Variants in ERC1 observed in about 807,000 individuals in gnomAD.
The protein encoded by ERC1 is RAB6 interacting protein 2.
A neutral mutation model predicts 132.0 loss-of-function variants in ERC1; 56 were observed. The ratio of observed to expected loss-of-function variants is 0.42; its 90% confidence interval spans 0.34 to 0.53. The LOEUF (loss-of-function observed/expected upper bound fraction) is 0.53, where lower values mean the gene tolerates loss of function less well. ERC1 is among the 20% of genes least tolerant of loss of function. The probability of loss-of-function intolerance (pLI) is 0.03; values close to 1 mark genes in which losing one functional copy is unlikely to be tolerated. For synonymous variants in ERC1, 478 were observed against 476.1 expected, an observed-to-expected ratio of 1.00 and a Z score of -0.05; for missense variants, 1,202 against 1,349.9, an observed-to-expected ratio of 0.89 and a Z score of 1.72.
intron 3 of ERC1, among the ~76,000 whole-genome samples, chr12:1,098,107 T>G (rs1565959732): frequency 6.6e-6 from 1 of 152,216 alleles, no homozygotes; most frequent in Non-Finnish European, 1.5e-5. Flanking sequence ...TGTTCTTTGT[T>G]TGGGCTTTCC....
intron 8 of ERC1, among the ~76,000 whole-genome samples, chr12:1,178,896 C>T (rs1954047553): frequency 6.6e-6 from 1 of 152,124 alleles, no homozygotes; most frequent in African/African-American, 2.4e-5. Flanking sequence ...TTTCATTACT[C>T]TGTTTCCTCA....
chr12:1,196,999 A>T (rs1471354379), intron 12 of ERC1, among the ~76,000 whole-genome samples: 69 of 88,716 alleles, frequency 7.8e-4, no homozygotes, highest in East Asian at 1.7e-3. Flanking sequence ...TTTTTTTTTT[A>T]AGACAGATTT....
At chr12:1,195,945 A>G (rs1381051610) in intron 12 of ERC1, among the ~76,000 whole-genome samples, 2 of 145,010 alleles carry the variant, frequency 1.4e-5, no homozygotes, top group African/African-American at 5.1e-5. Flanking sequence ...GGTAAGTCAA[A>G]TAAGGATCAA....
chr12:1,240,050 T>TGG (rs1343636150), intron 13 of ERC1, among the ~76,000 whole-genome samples: 1 of 152,170 alleles, frequency 6.6e-6, no homozygotes, highest in Non-Finnish European at 1.5e-5. Context: ...CAAAGACTAC[T>TGG]GGGGTCATAT....
intron 14 of ERC1, among the ~76,000 whole-genome samples, chr12:1,263,632 C>T (rs1363718035): frequency 6.6e-6 from 1 of 152,142 alleles, no homozygotes; most frequent in Non-Finnish European, 1.5e-5. Flanking sequence ...AGACTGGGCA[C>T]AACCCTGGCT....
At chr12:1,429,973 G>A (rs912381066) in intron 17 of ERC1, among the ~76,000 whole-genome samples, 1 of 152,176 alleles carries the variant, frequency 6.6e-6, no homozygotes, top group Non-Finnish European at 1.5e-5. Flanking sequence ...CTATGTGCCA[G>A]GAATTCAGCA....
chr12:1,032,783 A>C (rs758419818), intron 2 of ERC1, among the ~76,000 whole-genome samples: 1 of 152,218 alleles, frequency 6.6e-6, no homozygotes, highest in Non-Finnish European at 1.5e-5. Context: ...TGCACTACCA[A>C]GTAAATTAGT....
In ERC1 at chr12:1,482,199, C is replaced by T. The variant is rs551258987; in HGVS notation, c.3214-7894C>T. ...CCATCAAGATCCGGCGATTCCTGTGCTCCAGAATTGCAGTGAGCAGCCCAG... is the reference window on the plus strand; with the variant it reads ...CCATCAAGATCCGGCGATTCCTGTGTTCCAGAATTGCAGTGAGCAGCCCAG... On this transcript the variant is annotated intron_variant, in intron 18 of 18. Coordinates refer to ENST00000360905, the MANE Select transcript of ERC1 (RefSeq NM_178040.4). Among the ~76,000 whole-genome samples the T allele has an allele frequency of 7.2e-5, 11 of 152,284 alleles. No homozygotes were observed. In the South Asian group the frequency reaches 1.7e-3, roughly 23 times the overall value.
intron 14 of ERC1, among the ~76,000 whole-genome samples, chr12:1,265,529 A>T (rs1566430553): frequency 6.6e-6 from 1 of 152,188 alleles, no homozygotes; most frequent in East Asian, 1.9e-4. Flanking sequence ...ATGTTGCGCC[A>T]GTGTAGTATT....
At position 1,457,726 on chromosome 12, in the gene ERC1, G is replaced by A. The variant is rs563057440; in HGVS notation, c.3213+12976G>A. Among the ~76,000 whole-genome samples, 22 of 151,262 alleles carry A rather than the reference G, an allele frequency of 1.5e-4. No individual in the cohort carries two copies. The South Asian group carries it at 3.8e-3, about 26-fold the overall frequency. ...GAGTCATACACTTTAAAAGTTAATC[G>A]AAAAAGGAAAAAAAAAATTAGCCAA... On this transcript the variant is annotated intron_variant, in intron 18 of 18. Coordinates refer to ENST00000360905, the MANE Select transcript of ERC1 (RefSeq NM_178040.4).
intron 17 of ERC1, among the ~76,000 whole-genome samples, chr12:1,434,626 C>A (rs1372392692): frequency 6.6e-6 from 1 of 152,196 alleles, no homozygotes; most frequent in Non-Finnish European, 1.5e-5. Context: ...CAGAATTGAT[C>A]TCCAGTCCCT....
intron 8 of ERC1, among the ~76,000 whole-genome samples, chr12:1,165,549 A>G (rs888063604): frequency 2.6e-5 from 4 of 151,728 alleles, no homozygotes; most frequent in Non-Finnish European, 5.9e-5. Context: ...CTCATGATCC[A>G]CCCGCCTCGG....
At chr12:1,082,948 T>TAA (rs1428935064) in intron 2 of ERC1, among the ~76,000 whole-genome samples, 1 of 152,212 alleles carries the variant, frequency 6.6e-6, no homozygotes, top group African/African-American at 2.4e-5. Flanking sequence ...GTGCCATACT[T>TAA]ATTTTGCTTC....
intron 7 of ERC1, among the ~76,000 whole-genome samples, chr12:1,140,143 T>G (rs781774423): frequency 1.1e-4 from 17 of 152,166 alleles, no homozygotes; most frequent in Non-Finnish European, 1.8e-4. Flanking sequence ...AACTATGGTT[T>G]ATCTACATGT....
intron 10 of ERC1, among the ~76,000 whole-genome samples, 177 bp from the exon 11 acceptor site, chr12:1,183,104 A>G (rs973804430): frequency 1.8e-4 from 28 of 152,210 alleles, no homozygotes; most frequent in Non-Finnish European, 3.7e-4. Flanking sequence ...CTTATTTGTT[A>G]AGAGTTGAAA....
At chr12:1,057,585 G>GTTTTTTTTTTTTTTTTTTTTTTTT (rs59761885) in intron 2 of ERC1, among the ~76,000 whole-genome samples, 1 of 47,694 alleles carries the variant, frequency 2.1e-5, no homozygotes, top group Non-Finnish European at 4.0e-5. Flanking sequence ...GATGCGCATG[G>GTTTTTTTTTTTTTTTTTTTTTTTT]TTTTTTTTTT....
In ERC1 at chr12:1,007,540, CTGTGTG is replaced by C. The variant is rs10570281; in HGVS notation, c.-157+16242_-157+16247del. Among the ~76,000 whole-genome samples, 77 of 122,774 alleles carry C rather than the reference CTGTGTG, an allele frequency of 6.3e-4. 2 individuals are homozygous for C. The highest frequency in any genetic ancestry group is 1.6e-3 in the South Asian group (6 of 3,800). The allele number at this position is 122,774 out of a possible 152,430, so 80.5% of individuals were successfully genotyped here. ...ATTCTCTCTCTCTCTCTCTCTCTCTCTGTGTGTGTGTGTGTGTGTGTGTGTGTGTAC... is the reference window on the plus strand; with the variant it reads ...ATTCTCTCTCTCTCTCTCTCTCTCTCTGTGTGTGTGTGTGTGTGTGTGTAC... On this transcript the variant is annotated intron_variant, in intron 1 of 18. Coordinates refer to ENST00000360905, the MANE Select transcript of ERC1 (RefSeq NM_178040.4).
At chr12:1,206,096 A>G (rs1391268971) in intron 12 of ERC1, among the ~76,000 whole-genome samples, 1 of 152,186 alleles carries the variant, frequency 6.6e-6, no homozygotes, top group East Asian at 1.9e-4. Flanking sequence ...TCCAAGGAAT[A>G]CAAAATAAAA....
chr12:1,285,590 A>T (rs2078990004), intron 14 of ERC1, among the ~76,000 whole-genome samples: 1 of 152,234 alleles, frequency 6.6e-6, no homozygotes, highest in Non-Finnish European at 1.5e-5. Context: ...ATGCCAGGAA[A>T]AATTGAACTT....
Sources: gnomAD v4.1 joint callset for allele counts (sites outside exome capture counted in the v4.1 genomes callset) on GRCh38, gnomAD v4.1.1 for gene constraint, MANE v1.5 for transcripts, NCBI Gene and HGNC (gene_info 2026-07-23, HGNC 2026-07-21) for gene names.